The following GABPB1 variants were observed in gnomAD, a reference collection of about 807,000 sequenced individuals.
GABPB1 encodes the protein GA binding protein transcription factor subunit beta 1, also known as GA-binding protein subunit beta-1.
GABPB1 carries 15 observed loss-of-function variants against 45.9 expected under a neutral mutation model. That is an observed-to-expected ratio of 0.33 (90% CI 0.22 to 0.50). GABPB1 has a LOEUF of 0.50. Among genes scored for constraint, GABPB1 ranks in the 20% least tolerant of loss-of-function variants. GABPB1 has a pLI of 0.98. For synonymous variants in GABPB1, 143 were observed against 154.4 expected (o/e 0.93, Z 0.55); for missense variants, 252 against 457.5 (o/e 0.55, Z 4.10).
intron 8 of GABPB1, among the ~76,000 whole-genome samples, chr15:50,284,519 C>T (rs2046092606): frequency 6.6e-6 from 1 of 152,154 alleles, no homozygotes; most frequent in African/African-American, 2.4e-5. Flanking sequence ...TCATACTTCC[C>T]TGTTATTTGC....
intron 1 of GABPB1, among the ~76,000 whole-genome samples, chr15:50,343,611 T>C (rs2048461394): frequency 6.6e-6 from 1 of 151,956 alleles, no homozygotes; most frequent in African/African-American, 2.4e-5. Context: ...CCATCTCGGC[T>C]CACTGCAGCC....
At chr15:50,296,905 C>CTTTTTT (rs72486745) in intron 6 of GABPB1, among the ~76,000 whole-genome samples, 8 of 91,392 alleles carry the variant, frequency 8.8e-5, no homozygotes, top group Admixed American at 2.8e-4. Flanking sequence ...TAACTTAATT[C>CTTTTTT]TTTTTTTTTT....
intron 1 of GABPB1, among the ~76,000 whole-genome samples, chr15:50,319,478 G>A (rs943043603): frequency 9.9e-5 from 15 of 151,894 alleles, no homozygotes; most frequent in African/African-American, 2.4e-4. Context: ...ATCCCCCTCC[G>A]TATGTCCATG....
chr15:50,314,178 TA>T (rs2047227254), intron 1 of GABPB1, among the ~76,000 whole-genome samples: 1 of 111,076 alleles, frequency 9.0e-6, no homozygotes, highest in Non-Finnish European at 2.2e-5. Flanking sequence ...TAGATTTATT[TA>T]TTTATTTATT....
chr15:50,354,443 G>A (rs1462006877), intron 1 of GABPB1: 3 of 448,538 alleles, frequency 6.7e-6, no homozygotes, highest in Non-Finnish European at 1.3e-5. Flanking sequence ...CGCAGCACAG[G>A]GCGCCCAGGA....
Position 50,278,318 on chromosome 15 carries a change from T to G in GABPB1, c.*314A>C, listed in dbSNP as rs113590436. On this transcript the variant is annotated 3_prime_UTR_variant, in exon 9 of 9. Coordinates refer to ENST00000380877, the MANE Select transcript of GABPB1 (RefSeq NM_016654.5). ...GTTCCGTTTCTGAGAAATTAAGGTT[T>G]GTACTAAAATCAAAAAGAATTCACA... 1.1e-3 allele frequency: 190 copies of G among 180,722 alleles called. No homozygotes were observed. The highest frequency in any genetic ancestry group is 1.6e-3 in the Non-Finnish European group (141 of 86,526). 11.2% of individuals were successfully genotyped at this position (180,722 alleles called of 1,614,324 possible). A position where few individuals can be genotyped will look rare whatever the true frequency, so the allele number is the denominator to read the frequency against.
rs1055140990 is a variant in GABPB1 at position 50,285,916 on chromosome 15, A to G, written c.999+152T>C. 15 of 1,405,568 alleles carry G rather than the reference A, an allele frequency of 1.1e-5. No individual in the cohort carries two copies. The African/African-American group carries it at 1.6e-4, about 15-fold the overall frequency. The allele number at this position is 1,405,568 out of a possible 1,614,324, so 87.1% of individuals were successfully genotyped here. On this transcript the variant is annotated intron_variant, in intron 8 of 8. Coordinates refer to ENST00000380877, the MANE Select transcript of GABPB1 (RefSeq NM_016654.5). ...AATATTTATTTATTGAGGGCTTGCT[A>G]TATGTATAAGGCAAAAATAAACAAA...
intron 1 of GABPB1, among the ~76,000 whole-genome samples, chr15:50,324,064 C>T (rs180845816): frequency 5.3e-5 from 8 of 152,010 alleles, no homozygotes; most frequent in African/African-American, 9.6e-5. Flanking sequence ...ATTAGCTGGG[C>T]GGGTGGCACA....
chr15:50,284,864 A>G (rs2046101875), intron 8 of GABPB1, among the ~76,000 whole-genome samples: 1 of 152,202 alleles, frequency 6.6e-6, no homozygotes, highest in African/African-American at 2.4e-5. Context: ...TAGTTTGTGA[A>G]TAAGAACTTC....
intron 1 of GABPB1, among the ~76,000 whole-genome samples, chr15:50,324,630 C>T (rs758727227): frequency 6.6e-6 from 1 of 150,970 alleles, no homozygotes; most frequent in East Asian, 1.9e-4. Flanking sequence ...CTGCAACCTC[C>T]GCCTCCCGAG....
chr15:50,350,763 C>T (rs551969878), intron 1 of GABPB1: 1 of 152,124 alleles, frequency 6.6e-6, no homozygotes, highest in East Asian at 1.9e-4. Flanking sequence ...ACAACTCATT[C>T]TATTTTCACA....
At chr15:50,290,499 G>A (rs534986617) in intron 6 of GABPB1, among the ~76,000 whole-genome samples, 14 of 151,780 alleles carry the variant, frequency 9.2e-5, no homozygotes, top group African/African-American at 3.1e-4. Flanking sequence ...GCTGAGGCAG[G>A]AGAATTATTT....
At chr15:50,282,503 A>G in intron 8 of GABPB1, 3 of 255,428 alleles carry the variant, frequency 1.2e-5, no homozygotes, top group Non-Finnish European at 2.3e-5. Context: ...GCAGTGAGCC[A>G]TGATTGCACC....
chr15:50,319,237 T>C (rs1277599983), intron 1 of GABPB1, among the ~76,000 whole-genome samples: 1 of 152,204 alleles, frequency 6.6e-6, no homozygotes, highest in Admixed American at 6.5e-5. Flanking sequence ...CTTATTTTTT[T>C]ACTTTTTCAA....
intron 2 of GABPB1, among the ~76,000 whole-genome samples, chr15:50,307,462 G>C (rs1200662289): frequency 1.3e-5 from 2 of 152,026 alleles, no homozygotes; most frequent in Admixed American, 1.3e-4. Flanking sequence ...TTCTGTCTTT[G>C]GGAGGCCGAG....
chr15:50,279,079 T>A (rs2045898089), intron 8 of GABPB1, among the ~76,000 whole-genome samples: 1 of 152,226 alleles, frequency 6.6e-6, no homozygotes, highest in African/African-American at 2.4e-5. Context: ...TTATATGTAC[T>A]ACAAAAACTA....
At chr15:50,281,751 G>T (rs1363054875) in intron 8 of GABPB1, among the ~76,000 whole-genome samples, 1 of 152,126 alleles carries the variant, frequency 6.6e-6, no homozygotes, top group Non-Finnish European at 1.5e-5. Flanking sequence ...AAAATATTTG[G>T]TACCTGGCCA....
intron 1 of GABPB1, among the ~76,000 whole-genome samples, chr15:50,322,407 A>G (rs10220734): frequency 0.63 from 94,595 of 151,170 alleles, 30,585 homozygotes; most frequent in African/African-American, 0.77. Flanking sequence ...TTAGCCGGGC[A>G]TGGTGGTGCA....
intron 1 of GABPB1, among the ~76,000 whole-genome samples, chr15:50,343,941 C>T (rs1033806937): frequency 2.0e-5 from 3 of 152,196 alleles, no homozygotes; most frequent in Non-Finnish European, 4.4e-5. Context: ...TTATTACCTA[C>T]TTTTATTCCT....
Sources: gnomAD v4.1 joint callset for allele counts (sites outside exome capture counted in the v4.1 genomes callset) on GRCh38, gnomAD v4.1.1 for gene constraint, MANE v1.5 for transcripts, NCBI Gene and HGNC (gene_info 2026-07-23, HGNC 2026-07-21) for gene names.